Variants in MDN1 observed in about 807,000 individuals in gnomAD.
MDN1 encodes the protein midasin AAA ATPase 1, also known as midasin.
Under a neutral mutation model 669.2 loss-of-function variants are expected in MDN1, and 266 were observed. The ratio of observed to expected loss-of-function variants is 0.40; its 90% CI spans 0.36 to 0.44. MDN1 has a LOEUF of 0.44. Among genes scored for constraint, MDN1 ranks in the 20% least tolerant of loss-of-function variants. The pLI, the probability that MDN1 is intolerant of heterozygous loss-of-function variation, is 1.00. For synonymous variants in MDN1, 2,385 were observed against 2,457.1 expected, an observed-to-expected ratio of 0.97 and a Z score of 0.87; for missense variants, 5,940 against 6,754.0, an observed-to-expected ratio of 0.88 and a Z score of 4.22.
chr6:89,671,152 A>C, intron 82 of MDN1, 72 bp from the exon 83 acceptor site: 1 of 1,496,866 alleles, frequency 6.7e-7, no homozygotes, highest in Non-Finnish European at 9.1e-7. Flanking sequence ...CTGGAACTAG[A>C]TAGTGGTGGT....
chr6:89,727,676 C>T (rs976267673), intron 37 of MDN1, among the ~76,000 whole-genome samples, 157 bp downstream of exon 37: 1 of 152,184 alleles, frequency 6.6e-6, no homozygotes, highest in African/African-American at 2.4e-5. Context: ...AGTGACCTTC[C>T]TCATTCTTAA....
intron 62 of MDN1, 84 bp downstream of exon 62, chr6:89,693,990 A>G: frequency 9.2e-7 from 1 of 1,091,392 alleles, no homozygotes; most frequent in South Asian, 1.3e-5. Context: ...GGTGTATATT[A>G]TCACTTCTAC....
chr6:89,794,060 GA>G (rs1423001782), intron 4 of MDN1, 39 bp downstream of exon 4: 4 of 1,369,314 alleles, frequency 2.9e-6, no homozygotes, highest in Non-Finnish European at 4.0e-6. Flanking sequence ...AAAAAAAAAA[GA>G]AATGCTATAG....
At chr6:89,782,977 G>A (rs1316582993) in intron 9 of MDN1, among the ~76,000 whole-genome samples, 1 of 152,172 alleles carries the variant, frequency 6.6e-6, no homozygotes, top group Non-Finnish European at 1.5e-5. Context: ...AGCTGAGGAT[G>A]TACGTCACCT....
intron 9 of MDN1, among the ~76,000 whole-genome samples, chr6:89,784,747 T>C (rs751468303): frequency 6.7e-6 from 1 of 149,738 alleles, no homozygotes; most frequent in African/African-American, 2.4e-5. Context: ...TACTGAGGAA[T>C]TACTGTTCAT....
chr6:89,727,815 G>T lies in MDN1; in HGVS notation c.5472+18C>A. On this transcript the variant is annotated intron_variant, in intron 37 of 101. Coordinates refer to ENST00000369393, the MANE Select transcript of MDN1 (RefSeq NM_014611.3). ...CACACATGATCACCGTCTTGGGCAT[G>T]ACAAACAGGCCCCTCACCTCATCCA... 6.8e-6 allele frequency: 11 copies of T among 1,608,848 alleles called. No individual in the cohort carries two copies. The highest frequency in any genetic ancestry group is 9.3e-6 in the Non-Finnish European group (11 of 1,177,060).
intron 15 of MDN1, among the ~76,000 whole-genome samples, chr6:89,766,463 G>T (rs1254232837): frequency 6.6e-6 from 1 of 152,066 alleles, no homozygotes; most frequent in Non-Finnish European, 1.5e-5. Context: ...TATTCAACGG[G>T]AACCAACCTG....
In MDN1 at chr6:89,694,176, T is replaced by A; in HGVS notation, c.9779A>T (p.Gln3260Leu). The A allele has an allele frequency of 6.2e-7, 1 of 1,613,824 alleles. No homozygotes were observed. The highest frequency in any genetic ancestry group is 8.5e-7 in the Non-Finnish European group (1 of 1,179,702). ...KLNYVKEELH[Q>L]LQCEWKTRNL... ...CCGGGTCTTCCATTCACACTGCAGT[T>A]GGTGTAACTAATGGAAAAGAGAGAA... The change falls in exon 62 of 102, where the codon CAA becomes CTA. Residue 3260 changes from glutamine to leucine, a missense_variant. Physicochemically the swap from Gln to Leu is moderately radical, Grantham distance 113. Coordinates refer to ENST00000369393, the MANE Select transcript of MDN1 (RefSeq NM_014611.3).
intron 12 of MDN1, among the ~76,000 whole-genome samples, 176 bp downstream of exon 12, chr6:89,776,420 CATTG>C (rs1354065190): frequency 6.6e-6 from 1 of 152,148 alleles, no homozygotes; most frequent in Admixed American, 6.6e-5. Context: ...GAGATGGCGC[CATTG>C]CACTCGCGCC....
Position 89,730,804 on chromosome 6 carries a change from T to C in MDN1, c.5062A>G (p.Ile1688Val). The change falls in exon 35 of 102, where the codon ATT becomes GTT. Residue 1688 changes from isoleucine to valine, a missense_variant. Ile to Val is a conservative substitution (Grantham distance 29, BLOSUM62 3). This residue lies in a region of MDN1 where 2,292 missense variants were observed against 2,638.3 expected (regional missense o/e 0.87). Transcript: ENST00000369393. Reference protein sequence around the residue: ...LTEYQKNELKIYDRMKAKEFT... With the variant: ...LTEYQKNELKVYDRMKAKEFT... Reference sequence around the variant, plus strand: ...TCTTTGGCCTTCATTCTGTCATAAATCTTCAACTCATTTTTCTGATATTCT... The same window carrying C: ...TCTTTGGCCTTCATTCTGTCATAAACCTTCAACTCATTTTTCTGATATTCT... The C allele has an allele frequency of 6.2e-7, 1 of 1,614,134 alleles. No individual in the cohort carries two copies. The highest frequency in any genetic ancestry group is 8.5e-7 in the Non-Finnish European group (1 of 1,179,996).
intron 33 of MDN1, among the ~76,000 whole-genome samples, 194 bp downstream of exon 33, chr6:89,738,132 G>A (rs536649934): frequency 9.2e-5 from 14 of 152,332 alleles, no homozygotes; most frequent in Non-Finnish European, 1.9e-4. Context: ...ATGAAAATAT[G>A]AAGATGGGAC....
At chr6:89,646,433 A>G in intron 100 of MDN1, 107 bp downstream of exon 100, 1 of 865,316 alleles carries the variant, frequency 1.2e-6, no homozygotes, top group Non-Finnish European at 1.9e-6. Flanking sequence ...CCTGTGGAGC[A>G]TACCTATTAA....
chr6:89,698,882 A>G lies in MDN1; in HGVS notation c.9151T>C (p.Leu3051=), dbSNP rs781464762. The G allele has an allele frequency of 3.6e-5, 58 of 1,613,940 alleles. 1 individual carries two copies. In the South Asian group the frequency reaches 6.0e-4, roughly 17 times the overall value. The change falls in exon 59 of 102, where the codon TTG becomes CTG. Residue 3051 remains leucine (L), a synonymous_variant. Transcript: ENST00000369393. ...CAACAAACCTTCAATGTGGAGTCCAAAACAGACTTGGGTGCCTCCCTCTGC... is the reference window on the plus strand; with the variant it reads ...CAACAAACCTTCAATGTGGAGTCCAGAACAGACTTGGGTGCCTCCCTCTGC... ...MQQREAPKSV[L]DSTLKGPGNL... is the part of the protein sequence containing the mutation.
At position 89,778,271 on chromosome 6, in the gene MDN1, G is replaced by C. The variant is rs745781251; in HGVS notation, c.1726-1576C>G. On this transcript the variant is annotated intron_variant, in intron 11 of 101. Coordinates refer to ENST00000369393, the MANE Select transcript of MDN1 (RefSeq NM_014611.3). ...TGCTTTCGTCTCAGTGGTAGAGTTA[G>C]TAGTTAAGTTTCTTCCATCATCTTT... Among the ~76,000 whole-genome samples the C allele has an allele frequency of 2.7e-5, 4 of 150,682 alleles. No homozygotes were observed. In the East Asian group the frequency reaches 7.8e-4, roughly 29 times the overall value.
intron 30 of MDN1, 142 bp from the exon 31 acceptor site, chr6:89,743,422 C>A (rs540453530): frequency 1.5e-6 from 2 of 1,360,298 alleles, no homozygotes; most frequent in Non-Finnish European, 2.0e-6. Flanking sequence ...ACTTGCACAC[C>A]AGAATGCTTG....
At chr6:89,805,961 A>G (rs1419960704) in intron 1 of MDN1, among the ~76,000 whole-genome samples, 1 of 152,044 alleles carries the variant, frequency 6.6e-6, no homozygotes, top group African/African-American at 2.4e-5. Flanking sequence ...CTTTTGAGAC[A>G]AGGTCTTGGT....
At position 89,713,153 on chromosome 6, in the gene MDN1, G is replaced by T. The variant is rs901743540; in HGVS notation, c.7213C>A (p.Arg2405=). The T allele has an allele frequency of 6.2e-7, 1 of 1,612,176 alleles. No individual in the cohort carries two copies. The highest frequency in any genetic ancestry group is 8.5e-7 in the Non-Finnish European group (1 of 1,179,462). Residue 2405 remains arginine, a synonymous_variant, in exon 47 of 102, where the codon CGG becomes AGG. Coordinates refer to ENST00000369393, the MANE Select transcript of MDN1 (RefSeq NM_014611.3). ...TCTGCAATACTTCATAGTACCTTCC[G>T]GTTTGCTGGTGAATGCTGGGAACAG... ...YVCSQHSPAN[R]KLVQALLEKH...
intron 20 of MDN1, among the ~76,000 whole-genome samples, chr6:89,755,798 G>C (rs1817214179): frequency 6.6e-6 from 1 of 152,150 alleles, no homozygotes; most frequent in Non-Finnish European, 1.5e-5. Flanking sequence ...AGGAATAACA[G>C]TCTCAAATTA....
rs146100872 is a variant in MDN1, at chr6:89,712,226, C to G, written c.7461G>C (p.Glu2487Asp). ...CAGGGCTGGGGGACTGCATAATTTT[C>G]TCTAAGTCTTGCAAGGTAAAAGGCT... ...RSQPFTLQDL[E>D]KIMQSPSPEN... Residue 2487 changes from glutamate (E) to aspartate (D), a missense_variant, in exon 49 of 102, where the codon GAG becomes GAC. Transcript: ENST00000369393. 3.1e-6 allele frequency: 5 copies of G among 1,614,084 alleles called. No individual in the cohort carries two copies. Among genetic ancestry groups the G allele is most frequent in the Non-Finnish European group, 4.2e-6 (5 of 1,179,986 alleles).
Sources: gnomAD v4.1 joint callset for allele counts (sites outside exome capture counted in the v4.1 genomes callset) on GRCh38, gnomAD v4.1.1 for gene constraint, gnomAD v4.1.1 regional missense constraint, MANE v1.5 for transcripts, NCBI Gene and HGNC (gene_info 2026-07-23, HGNC 2026-07-21) for gene names.